NME7: variants seen among roughly 807,000 people sequenced by gnomAD.
The protein encoded by NME7 is NME/NM23 family member 7, also known as nucleoside diphosphate kinase 7.
NME7 carries 41 observed loss-of-function variants against 49.1 expected under a neutral mutation model. The observed-to-expected ratio is 0.83, with a 90% CI of 0.65 to 1.08. NME7 has a LOEUF of 1.08. NME7 is among the 50% of genes least tolerant of loss of function. The probability of loss-of-function intolerance (pLI) is 0.00; values close to 1 mark genes in which losing one functional copy is unlikely to be tolerated. For synonymous variants in NME7, 139 were observed against 150.6 expected (o/e 0.92, Z 0.56); for missense variants, 423 against 463.4 (o/e 0.91, Z 0.80).
intron 1 of NME7, among the ~76,000 whole-genome samples, chr1:169,356,919 A>G (rs1463893851): frequency 1.3e-5 from 2 of 152,214 alleles, no homozygotes; most frequent in African/African-American, 4.8e-5. Flanking sequence ...GAGAAAAAGC[A>G]GTAAAGTCAA....
chr1:169,215,994 A>G (rs1291318816), intron 10 of NME7, among the ~76,000 whole-genome samples: 2 of 152,216 alleles, frequency 1.3e-5, no homozygotes, highest in African/African-American at 4.8e-5. Context: ...ACTTTCAGGT[A>G]TAAGATAAAA....
intron 9 of NME7, among the ~76,000 whole-genome samples, chr1:169,231,847 T>C (rs949549504): frequency 1.2e-4 from 19 of 152,110 alleles, no homozygotes; most frequent in African/African-American, 7.2e-5. Context: ...AAGTTTCAAA[T>C]TGATTCCAAG....
chr1:169,357,843 A>C (rs1272858245), intron 1 of NME7, among the ~76,000 whole-genome samples: 1 of 152,086 alleles, frequency 6.6e-6, no homozygotes, highest in African/African-American at 2.4e-5. Flanking sequence ...CATGACCAGC[A>C]ATAAAAGTAA....
At chr1:169,321,859 AT>A (rs1422556165) in intron 3 of NME7, among the ~76,000 whole-genome samples, 1 of 152,200 alleles carries the variant, frequency 6.6e-6, no homozygotes, top group African/African-American at 2.4e-5. Context: ...GAATTAAATC[AT>A]TTTTGGAGCC....
intron 7 of NME7, among the ~76,000 whole-genome samples, chr1:169,242,666 T>C (rs960221936): frequency 7.5e-5 from 11 of 145,780 alleles, no homozygotes; most frequent in Admixed American, 4.8e-4. Flanking sequence ...ACTGTCTATA[T>C]AGAAAATCCC....
intron 11 of NME7, among the ~76,000 whole-genome samples, chr1:169,154,882 A>T (rs997709592): frequency 1.3e-5 from 2 of 151,906 alleles, no homozygotes; most frequent in Non-Finnish European, 2.9e-5. Flanking sequence ...GTGCCCATGT[A>T]TAAGTGTTAA....
At chr1:169,289,024 C>T (rs1650392401) in intron 6 of NME7, among the ~76,000 whole-genome samples, 1 of 152,088 alleles carries the variant, frequency 6.6e-6, no homozygotes. Flanking sequence ...CTTTCTTTTC[C>T]ATTTCCATTT....
intron 10 of NME7, among the ~76,000 whole-genome samples, chr1:169,207,196 A>G (rs1458384042): frequency 6.6e-6 from 1 of 152,100 alleles, no homozygotes; most frequent in East Asian, 1.9e-4. Flanking sequence ...TGGAAGCAAG[A>G]GGAAGAAGGG....
chr1:169,326,034 T>C (rs1045567259), intron 1 of NME7, among the ~76,000 whole-genome samples: 4 of 151,900 alleles, frequency 2.6e-5, no homozygotes, highest in Non-Finnish European at 5.9e-5. Flanking sequence ...ATTTTTACTA[T>C]CCATAATAAA....
intron 10 of NME7, among the ~76,000 whole-genome samples, chr1:169,194,630 T>A (rs1660322480): frequency 6.6e-6 from 1 of 152,186 alleles, no homozygotes; most frequent in Non-Finnish European, 1.5e-5. Context: ...CTCATTCTAT[T>A]TTACAGAATG....
intron 1 of NME7, among the ~76,000 whole-genome samples, chr1:169,363,286 G>C (rs1481620944): frequency 6.6e-6 from 1 of 151,798 alleles, no homozygotes; most frequent in Non-Finnish European, 1.5e-5. Flanking sequence ...AACAAATAAA[G>C]TATATATTAT....
At chr1:169,216,372 A>G (rs1660974430) in intron 10 of NME7, among the ~76,000 whole-genome samples, 1 of 152,208 alleles carries the variant, frequency 6.6e-6, no homozygotes, top group Admixed American at 6.5e-5. Context: ...CTATGAAATG[A>G]GACTTTCATA....
At chr1:169,210,152 A>G (rs1288921824) in intron 10 of NME7, among the ~76,000 whole-genome samples, 3 of 152,156 alleles carry the variant, frequency 2.0e-5, no homozygotes, top group Non-Finnish European at 4.4e-5. Context: ...GTAAATCTCA[A>G]TCTAACAAAA....
chr1:169,296,751 G>A (rs1571365535), intron 6 of NME7, among the ~76,000 whole-genome samples: 1 of 88,442 alleles, frequency 1.1e-5, no homozygotes, highest in African/African-American at 3.1e-5. Context: ...CTGATAATCA[G>A]GCTAAGAACT....
intron 1 of NME7, among the ~76,000 whole-genome samples, chr1:169,341,717 C>CT (rs1416628920): frequency 3.9e-5 from 6 of 152,230 alleles, no homozygotes; most frequent in African/African-American, 1.4e-4. Flanking sequence ...TCAGCATGCC[C>CT]TGGGTGTGAG....
At chr1:169,198,478 A>G (rs913177850) in intron 10 of NME7, among the ~76,000 whole-genome samples, 2 of 152,190 alleles carry the variant, frequency 1.3e-5, no homozygotes, top group Non-Finnish European at 2.9e-5. Context: ...ATTTGATGAA[A>G]GAATAAACAA....
intron 10 of NME7, among the ~76,000 whole-genome samples, chr1:169,176,682 T>A (rs950460471): frequency 2.0e-5 from 3 of 152,090 alleles, no homozygotes; most frequent in African/African-American, 7.2e-5. Context: ...GAAAATGAAG[T>A]CTTATTTGAC....
chr1:169,201,201 A>G (rs1186445242), intron 10 of NME7, among the ~76,000 whole-genome samples: 6 of 152,154 alleles, frequency 3.9e-5, no homozygotes, highest in African/African-American at 1.4e-4. Context: ...ACTGCACTCC[A>G]GCCTGGGTGA....
At chr1:169,336,590 C>A (rs976738181) in intron 1 of NME7, among the ~76,000 whole-genome samples, 5 of 152,090 alleles carry the variant, frequency 3.3e-5, no homozygotes, top group African/African-American at 1.2e-4. Flanking sequence ...CATTCACAAA[C>A]CTTGAGCTAA....
Sources: allele counts gnomAD v4.1 joint callset (sites outside exome capture counted in the v4.1 genomes callset), GRCh38; gene constraint gnomAD v4.1.1; transcripts MANE v1.5; gene names NCBI Gene and HGNC (gene_info 2026-07-23, HGNC 2026-07-21).